Variants in THSD7B observed in about 807,000 individuals in gnomAD.
The protein encoded by THSD7B is thrombospondin type-1 domain-containing protein 7B.
THSD7B carries 138 observed loss-of-function variants against 213.6 expected under a neutral mutation model. That is an observed-to-expected ratio of 0.65 (90% CI 0.56 to 0.74). The LOEUF is 0.74. Among genes scored for constraint, THSD7B ranks in the 30% least tolerant of loss-of-function variants. The pLI is 0.00. For missense variants in THSD7B, 1,931 were observed against 1,991.5 expected (o/e 0.97, Z 0.58); for synonymous variants, 742 against 687.0 (o/e 1.08, Z -1.25).
At chr2:137,006,454 T>A (rs555056545) in intron 2 of THSD7B, among the ~76,000 whole-genome samples, 1 of 151,118 alleles carries the variant, frequency 6.6e-6, no homozygotes, top group South Asian at 2.1e-4. Flanking sequence ...ATATAGGTTG[T>A]ATATGAAAAG....
intron 2 of THSD7B, among the ~76,000 whole-genome samples, chr2:136,941,368 T>A (rs1361598094): frequency 6.6e-6 from 1 of 152,158 alleles, no homozygotes; most frequent in South Asian, 2.1e-4. Context: ...TGGGTATATA[T>A]CCAGTAATGG....
At chr2:137,165,505 G>A (rs1481450282) in intron 6 of THSD7B, among the ~76,000 whole-genome samples, 1 of 152,032 alleles carries the variant, frequency 6.6e-6, no homozygotes, top group East Asian at 1.9e-4. Flanking sequence ...CTCAGTCTTG[G>A]TGTCTGTCCC....
At chr2:137,016,812 T>G (rs1010746567) in intron 2 of THSD7B, among the ~76,000 whole-genome samples, 1 of 152,234 alleles carries the variant, frequency 6.6e-6, no homozygotes, top group African/African-American at 2.4e-5. Flanking sequence ...TCAACCTCTG[T>G]ATTAAACATT....
At chr2:136,994,408 T>TA (rs369385207) in intron 2 of THSD7B, among the ~76,000 whole-genome samples, 4,625 of 151,180 alleles carry the variant, frequency 0.031, 112 homozygotes, top group South Asian at 0.078. Flanking sequence ...CTACTAAAAA[T>TA]AAAAAAAAAT....
chr2:137,249,829 T>C (rs16838448), intron 10 of THSD7B, among the ~76,000 whole-genome samples: 4,224 of 152,358 alleles, frequency 0.028, 112 homozygotes, highest in Middle Eastern at 0.095. Flanking sequence ...CTTTCTTGTC[T>C]ATTAGCAAAT....
At chr2:136,970,189 C>A (rs759329177) in intron 2 of THSD7B, among the ~76,000 whole-genome samples, 1 of 152,076 alleles carries the variant, frequency 6.6e-6, no homozygotes, top group Non-Finnish European at 1.5e-5. Flanking sequence ...AATGGCCAGG[C>A]ATGGTGGCTC....
chr2:137,343,726 T>A (rs779897576), intron 12 of THSD7B, among the ~76,000 whole-genome samples: 1 of 151,830 alleles, frequency 6.6e-6, no homozygotes, highest in South Asian at 2.1e-4. Flanking sequence ...CTAAAAGACA[T>A]GTTTATTTGT....
rs76201256 is a variant in THSD7B, at chr2:136,856,012, C to T, written c.-35-26132C>T. Among the ~76,000 whole-genome samples, 753 of 152,284 alleles carry T rather than the reference C, an allele frequency of 4.9e-3. 14 individuals carry two copies. The South Asian group carries it at 0.071, about 14-fold the overall frequency. ...GAAGTTTTTCCCTATCCACCACCTA[C>T]GTTCATACTCCCATAAGCACTTTCT... On this transcript the variant is annotated intron_variant, in intron 1 of 27. Transcript: ENST00000409968.
chr2:136,919,057 C>T (rs1358814855), intron 2 of THSD7B, among the ~76,000 whole-genome samples: 3 of 152,140 alleles, frequency 2.0e-5, no homozygotes, highest in Non-Finnish European at 4.4e-5. Context: ...GGTTCTAGTT[C>T]CTTAAATTGG....
intron 12 of THSD7B, among the ~76,000 whole-genome samples, chr2:137,310,757 AG>A (rs1683880998): frequency 6.6e-6 from 1 of 151,910 alleles, no homozygotes; most frequent in Non-Finnish European, 1.5e-5. Context: ...TTTATTAAAT[AG>A]GGAATCCTTT....
At chr2:137,670,827 AGGAGAATGGTGTGAACCCGGGAGGC>A (rs1293706017) in intron 27 of THSD7B, among the ~76,000 whole-genome samples, 1 of 150,006 alleles carries the variant, frequency 6.7e-6, no homozygotes, top group African/African-American at 2.5e-5. Context: ...AGGCTGAGGC[AGGAGAATGGTGTGAACCCGGGAGGC>A]GGAGCTTGCA....
rs75196398 is a variant in THSD7B at position 137,650,310 on chromosome 2, T to C, written c.3946-5191T>C. The stretch of plus-strand genomic sequence containing the variant: ...AGCTCTTTCACTTTTTTTGGTTAAA[T>C]TGATTTGCAGGTGTTTTATATCCTT... On this transcript the variant is annotated intron_variant, in intron 21 of 27. Transcript: ENST00000409968. 2.4e-3 allele frequency among the ~76,000 whole-genome samples: 362 copies of C among 152,330 alleles called. 1 individual carries two copies. Among genetic ancestry groups the C allele is most frequent in the African/African-American group, 8.3e-3 (346 of 41,562 alleles).
At chr2:137,354,780 C>T (rs899720337) in intron 12 of THSD7B, among the ~76,000 whole-genome samples, 1 of 150,678 alleles carries the variant, frequency 6.6e-6, no homozygotes, top group African/African-American at 2.4e-5. Flanking sequence ...AAACTCAGTC[C>T]TATTTCCATT....
chr2:137,315,135 GC>G (rs1382521452), intron 12 of THSD7B, among the ~76,000 whole-genome samples: 1 of 152,100 alleles, frequency 6.6e-6, no homozygotes, highest in Non-Finnish European at 1.5e-5. Context: ...TTGATCTCAG[GC>G]TGCTGTGCTA....
At chr2:137,286,035 T>C (rs1683167961) in intron 12 of THSD7B, among the ~76,000 whole-genome samples, 2 of 146,508 alleles carry the variant, frequency 1.4e-5, no homozygotes, top group African/African-American at 5.1e-5. Flanking sequence ...ACCCGGGAGG[T>C]GGAAGTTGCA....
intron 12 of THSD7B, among the ~76,000 whole-genome samples, chr2:137,354,452 T>G (rs963837848): frequency 1.3e-5 from 2 of 152,120 alleles, no homozygotes; most frequent in Admixed American, 1.3e-4. Flanking sequence ...TTTGACCAAT[T>G]GAATGTATTT....
chr2:137,451,631 T>C (rs1440587640), intron 15 of THSD7B, among the ~76,000 whole-genome samples: 1 of 152,026 alleles, frequency 6.6e-6, no homozygotes, highest in Non-Finnish European at 1.5e-5. Flanking sequence ...CTAATGAAAT[T>C]GCCATCCTAA....
intron 3 of THSD7B, among the ~76,000 whole-genome samples, chr2:137,065,061 T>C (rs896731560): frequency 6.6e-6 from 1 of 152,052 alleles, no homozygotes; most frequent in East Asian, 1.9e-4. Flanking sequence ...AAAATATTAT[T>C]GATATTTTCA....
intron 7 of THSD7B, among the ~76,000 whole-genome samples, chr2:137,186,925 C>A (rs1002036660): frequency 6.6e-6 from 1 of 151,950 alleles, no homozygotes; most frequent in Non-Finnish European, 1.5e-5. Flanking sequence ...TCTTTCACCT[C>A]CTTGGTAAGA....
Sources: gnomAD v4.1 joint callset for allele counts (sites outside exome capture counted in the v4.1 genomes callset) on GRCh38, gnomAD v4.1.1 for gene constraint, MANE v1.5 for transcripts, NCBI Gene and HGNC (gene_info 2026-07-23, HGNC 2026-07-21) for gene names.